GRID2: variants seen among roughly 807,000 people sequenced by gnomAD.
The protein encoded by GRID2 is glutamate ionotropic receptor delta type subunit 2.
A neutral mutation model predicts 114.8 loss-of-function variants in GRID2; 33 were observed. That is an observed-to-expected ratio of 0.29 (90% CI 0.22 to 0.38). The LOEUF is 0.38. Ranked by LOEUF, GRID2 falls within the 10% of genes least tolerant of loss-of-function variation. The pLI, the probability that GRID2 is intolerant of heterozygous loss-of-function variation, is 1.00. For synonymous variants in GRID2, 505 were observed against 449.9 expected, an observed-to-expected ratio of 1.12 and a Z score of -1.55; for missense variants, 1,184 against 1,257.7, an observed-to-expected ratio of 0.94 and a Z score of 0.89.
At chr4:92,802,653 G>A (rs2149373271) in intron 2 of GRID2, among the ~76,000 whole-genome samples, 1 of 152,006 alleles carries the variant, frequency 6.6e-6, no homozygotes, top group East Asian at 1.9e-4. Flanking sequence ...CATACAATAA[G>A]GTGCCAGTAT....
At chr4:92,703,427 G>C (rs931131686) in intron 2 of GRID2, among the ~76,000 whole-genome samples, 2 of 151,992 alleles carry the variant, frequency 1.3e-5, no homozygotes, top group African/African-American at 4.8e-5. Flanking sequence ...GGGCTTTAGA[G>C]AAGGTTCAGT....
chr4:93,779,867 G>A (rs1022891022), intron 1 of GRID2, among the ~76,000 whole-genome samples: 3 of 152,164 alleles, frequency 2.0e-5, no homozygotes, highest in African/African-American at 7.2e-5. Flanking sequence ...AGCAGCAAAA[G>A]GCAAAGTGTG....
At chr4:93,336,753 T>C (rs187160536) in intron 8 of GRID2, among the ~76,000 whole-genome samples, 63 of 152,362 alleles carry the variant, frequency 4.1e-4, no homozygotes, top group Admixed American at 3.5e-3. Context: ...ATATTTGTTT[T>C]ACTTTCCCCC....
intron 10 of GRID2, among the ~76,000 whole-genome samples, chr4:93,435,831 A>C (rs1560616910): frequency 6.6e-6 from 1 of 152,172 alleles, no homozygotes; most frequent in Non-Finnish European, 1.5e-5. Flanking sequence ...TGGAAAATGA[A>C]ATAAGTAATC....
At chr4:92,439,572 C>G (rs866593914) in intron 1 of GRID2, among the ~76,000 whole-genome samples, 1 of 150,042 alleles carries the variant, frequency 6.7e-6, no homozygotes, top group East Asian at 2.0e-4. Flanking sequence ...AGAGATTAAG[C>G]TGAAGGGAGG....
At chr4:93,307,458 G>A (rs1042249446) in intron 8 of GRID2, among the ~76,000 whole-genome samples, 4 of 151,700 alleles carry the variant, frequency 2.6e-5, no homozygotes, top group South Asian at 2.1e-4. Context: ...GTAGCTCACA[G>A]CTCTTCACAG....
intron 2 of GRID2, among the ~76,000 whole-genome samples, chr4:92,904,164 A>G (rs538914851): frequency 1.3e-5 from 2 of 151,796 alleles, no homozygotes; most frequent in Admixed American, 1.3e-4. Flanking sequence ...AGCATATTCA[A>G]TTAAATTGAA....
chr4:92,951,045 A>C (rs1194851314), intron 2 of GRID2, among the ~76,000 whole-genome samples: 1 of 152,068 alleles, frequency 6.6e-6, no homozygotes, highest in Non-Finnish European at 1.5e-5. Flanking sequence ...TCTTTAACCA[A>C]TTTTCTCTGG....
intron 4 of GRID2, among the ~76,000 whole-genome samples, chr4:93,112,684 A>T (rs1459462583): frequency 6.6e-6 from 1 of 152,128 alleles, no homozygotes; most frequent in Non-Finnish European, 1.5e-5. Context: ...ATTGGCTTAA[A>T]CAACAGAAAG....
At chr4:92,677,516 C>A (rs1313193045) in intron 2 of GRID2, among the ~76,000 whole-genome samples, 1 of 152,070 alleles carries the variant, frequency 6.6e-6, no homozygotes, top group Non-Finnish European at 1.5e-5. Context: ...TTTCTCCTTG[C>A]ATGTGAAAAA....
At chr4:92,737,719 C>T (rs1736666765) in intron 2 of GRID2, among the ~76,000 whole-genome samples, 1 of 152,078 alleles carries the variant, frequency 6.6e-6, no homozygotes, top group Non-Finnish European at 1.5e-5. Context: ...ATACCTCTTA[C>T]AGATCTATAA....
At chr4:92,305,934 A>C (rs576516089) in intron 1 of GRID2, among the ~76,000 whole-genome samples, 1 of 152,332 alleles carries the variant, frequency 6.6e-6, no homozygotes, top group East Asian at 1.9e-4. Context: ...TTTTATCTGT[A>C]CGCATGGCTT....
rs888864674 is a variant in GRID2 at position 92,767,087 on chromosome 4, C to T, written c.244+176801C>T. On this transcript the variant is annotated intron_variant, in intron 2 of 15. Coordinates refer to ENST00000282020, the MANE Select transcript of GRID2 (RefSeq NM_001510.4). ...GGATATGAAAGGAAATGATGTAGCA[C>T]GTTCTCAATCTCACCCTTTTAAAGC... is the stretch of plus-strand genomic sequence containing the variant. 3.3e-5 allele frequency among the ~76,000 whole-genome samples: 5 copies of T among 152,294 alleles called. No homozygotes were observed. The East Asian group carries it at 7.7e-4, about 24-fold the overall frequency.
chr4:92,578,353 G>A (rs1385509644), intron 1 of GRID2, among the ~76,000 whole-genome samples: 1 of 137,516 alleles, frequency 7.3e-6, no homozygotes, highest in Non-Finnish European at 1.5e-5. Context: ...CCACCTATGA[G>A]TGAGAACATG....
At chr4:92,394,602 TA>T (rs1159130796) in intron 1 of GRID2, among the ~76,000 whole-genome samples, 1 of 151,960 alleles carries the variant, frequency 6.6e-6, no homozygotes, top group African/African-American at 2.4e-5. Flanking sequence ...AAAATTAAAA[TA>T]ATTATAGACA....
At chr4:93,289,183 AG>A (rs998229895) in intron 8 of GRID2, among the ~76,000 whole-genome samples, 1 of 152,198 alleles carries the variant, frequency 6.6e-6, no homozygotes, top group Non-Finnish European at 1.5e-5. Context: ...GAAGCTTCAT[AG>A]GTAGGTGATT....
chr4:92,938,414 T>A lies in GRID2; in HGVS notation c.245-146581T>A, dbSNP rs1482103768. ...CATGCAGTCAATTGAAATTCCCTGATAATTATTTTTCATAAGAGAAATAAC... is the reference window on the plus strand; with the variant it reads ...CATGCAGTCAATTGAAATTCCCTGAAAATTATTTTTCATAAGAGAAATAAC... On this transcript the variant is annotated intron_variant, in intron 2 of 15. Coordinates refer to ENST00000282020, the MANE Select transcript of GRID2 (RefSeq NM_001510.4). 2.7e-5 allele frequency among the ~76,000 whole-genome samples: 4 copies of A among 146,714 alleles called. 1 individual carries two copies. Among genetic ancestry groups the A allele is most frequent in the African/African-American group, 4.9e-5 (2 of 41,198 alleles).
At chr4:93,756,419 T>C (rs1000633297) in intron 14 of GRID2, among the ~76,000 whole-genome samples, 9 of 152,184 alleles carry the variant, frequency 5.9e-5, no homozygotes, top group Non-Finnish European at 1.2e-4. Flanking sequence ...CAATGGAAAT[T>C]TATTTCTCAC....
chr4:92,755,273 A>T (rs1254915571), intron 2 of GRID2, among the ~76,000 whole-genome samples: 1 of 152,202 alleles, frequency 6.6e-6, no homozygotes, highest in African/African-American at 2.4e-5. Context: ...TCTTCTAAAA[A>T]AATAACTTTT....
Sources: allele counts gnomAD v4.1 joint callset (sites outside exome capture counted in the v4.1 genomes callset), GRCh38; gene constraint gnomAD v4.1.1; transcripts MANE v1.5; gene names NCBI Gene and HGNC (gene_info 2026-07-23, HGNC 2026-07-21).